PDK1: variants seen among roughly 807,000 people sequenced by gnomAD.
PDK1 encodes the protein [Pyruvate dehydrogenase (acetyl-transferring)] kinase isozyme 1, mitochondrial.
A neutral mutation model predicts 54.2 loss-of-function variants in PDK1; 39 were observed. That is an observed-to-expected ratio of 0.72 (90% CI 0.56 to 0.94). The LOEUF (loss-of-function observed/expected upper bound fraction) is 0.94. Among genes scored for constraint, PDK1 ranks in the 40% least tolerant of loss-of-function variants. The pLI, the probability that PDK1 is intolerant of heterozygous loss-of-function variation, is 0.00. For missense variants in PDK1, 552 were observed against 566.0 expected, an observed-to-expected ratio of 0.98 and a Z score of 0.25; for synonymous variants, 221 against 207.1, an observed-to-expected ratio of 1.07 and a Z score of -0.58.
chr2:172,722,080 C>T, the PDK1 span, among the ~76,000 whole-genome samples: 1 of 152,256 alleles, frequency 6.6e-6, no homozygotes, highest in Non-Finnish European at 1.5e-5. Flanking sequence ...AAAAGCCACT[C>T]ACGTGGCATT....
chr2:172,669,737 A>C, the PDK1 span, among the ~76,000 whole-genome samples: 1 of 152,314 alleles, frequency 6.6e-6, no homozygotes, highest in African/African-American at 2.4e-5. Flanking sequence ...TGTTATTTGC[A>C]TTTCTCTGAT....
the PDK1 span, among the ~76,000 whole-genome samples, chr2:172,632,135 A>G: frequency 1.3e-5 from 2 of 151,934 alleles, no homozygotes; most frequent in Admixed American, 6.6e-5. Context: ...TTAGCTGGGC[A>G]TGGCAGCCTG....
chr2:172,701,734 G>T, the PDK1 span, among the ~76,000 whole-genome samples: 8 of 145,922 alleles, frequency 5.5e-5, no homozygotes, highest in African/African-American at 2.0e-4. Flanking sequence ...TCTATCATTA[G>T]ATACATGCAC....
chr2:172,713,869 T>TA, the PDK1 span, among the ~76,000 whole-genome samples: 1 of 152,256 alleles, frequency 6.6e-6, no homozygotes, highest in Non-Finnish European at 1.5e-5. Context: ...TGGCTGCAGC[T>TA]AGTGTCTTTT....
chr2:172,678,430 T>A, the PDK1 span, among the ~76,000 whole-genome samples: 1 of 152,062 alleles, frequency 6.6e-6, no homozygotes, highest in East Asian at 1.9e-4. Context: ...GGGAGTGGGA[T>A]TGGTGGTTGG....
the PDK1 span, among the ~76,000 whole-genome samples, chr2:172,706,238 G>A: frequency 1.6e-4 from 25 of 151,768 alleles, no homozygotes; most frequent in Non-Finnish European, 2.5e-4. Context: ...ATTGATACAA[G>A]GCTACAGTGT....
chr2:172,629,752 G>A, the PDK1 span, among the ~76,000 whole-genome samples: 1 of 152,200 alleles, frequency 6.6e-6, no homozygotes, highest in East Asian at 1.9e-4. Context: ...GGCATCAGGA[G>A]TCACAGGCAA....
chr2:172,592,832 C>T lies in PDK1; in HGVS notation c.1057-103C>T, dbSNP rs980934199. On this transcript the variant is annotated intron_variant, in intron 9 of 10. Transcript: ENST00000282077. ...TTAAATATAATGCATCTCTCAGATG[C>T]GGGCTCTGATAGCCCCGTGGTACTC... 2.9e-5 allele frequency: 17 copies of T among 587,910 alleles called. No individual in the cohort carries two copies. In the East Asian group the frequency reaches 3.5e-4, roughly 12 times the overall value. The allele number at this position is 587,910 out of a possible 1,614,324, so 36.4% of individuals were successfully genotyped here. A position where few individuals can be genotyped will look rare whatever the true frequency, so the allele number is the denominator to read the frequency against.
chr2:172,720,233 G>A, the PDK1 span, among the ~76,000 whole-genome samples: 1 of 151,050 alleles, frequency 6.6e-6, no homozygotes, highest in Non-Finnish European at 1.5e-5. Flanking sequence ...TCATGCCTCA[G>A]CCTCCCCGAT....
the PDK1 span, among the ~76,000 whole-genome samples, chr2:172,657,171 T>A: frequency 2.0e-5 from 3 of 152,050 alleles, no homozygotes; most frequent in Non-Finnish European, 1.5e-5. Flanking sequence ...AGAATTGTTT[T>A]GTTTTGTTAT....
chr2:172,654,317 C>T, the PDK1 span, among the ~76,000 whole-genome samples: 2 of 152,142 alleles, frequency 1.3e-5, no homozygotes, highest in African/African-American at 4.8e-5. Context: ...GACACATGCA[C>T]ACGTATGTTT....
At chr2:172,563,375 G>C (rs1274546059) in intron 3 of PDK1, among the ~76,000 whole-genome samples, 3 of 152,140 alleles carry the variant, frequency 2.0e-5, no homozygotes, top group Non-Finnish European at 4.4e-5. Context: ...GTCTTGTTTT[G>C]AAGCGCATTA....
At chr2:172,676,744 T>G in the PDK1 span, among the ~76,000 whole-genome samples, 1 of 152,250 alleles carries the variant, frequency 6.6e-6, no homozygotes, top group African/African-American at 2.4e-5. Context: ...TTGAGAGGAT[T>G]GGCTCCAATT....
chr2:172,712,706 G>T, the PDK1 span, among the ~76,000 whole-genome samples: 1 of 152,192 alleles, frequency 6.6e-6, no homozygotes, highest in Non-Finnish European at 1.5e-5. Flanking sequence ...CGTGGCTTGG[G>T]GAACTCCTAG....
the PDK1 span, among the ~76,000 whole-genome samples, chr2:172,668,658 G>T: frequency 2.0e-5 from 3 of 151,290 alleles, no homozygotes; most frequent in Non-Finnish European, 4.4e-5. Flanking sequence ...CAGCCATGAT[G>T]ATGACTGTTT....
chr2:172,610,455 A>G (rs1332018299), downstream of PDK1, among the ~76,000 whole-genome samples: 3 of 152,052 alleles, frequency 2.0e-5, no homozygotes, highest in African/African-American at 7.2e-5. Flanking sequence ...TTTTTGAAAC[A>G]CCGCATCTTT....
the PDK1 span, among the ~76,000 whole-genome samples, chr2:172,692,247 C>T: frequency 6.6e-6 from 1 of 152,164 alleles, no homozygotes; most frequent in African/African-American, 2.4e-5. Flanking sequence ...TTCTTTATAC[C>T]ATATATAAAT....
chr2:172,556,172 C>G lies in PDK1; in HGVS notation c.22C>G (p.Arg8Gly). 1.4e-6 allele frequency: 2 copies of G among 1,416,524 alleles called. No homozygotes were observed. Among genetic ancestry groups the G allele is most frequent in the Non-Finnish European group, 1.8e-6 (2 of 1,092,374 alleles). The allele number at this position is 1,416,524 out of a possible 1,614,324, so 87.7% of individuals were successfully genotyped here. ...CGGCATGAGGCTGGCGCGGCTGCTT[C>G]GCGGAGCCGCCTTGGCCGGCCCGGG... MRLARLL[R>G]GAALAGPGPG... is the part of the protein sequence containing the mutation. The change falls in exon 1 of 11, where the codon CGC becomes GGC. Residue 8 changes from arginine (R) to glycine (G), a missense_variant. Physicochemically the swap from Arg to Gly is moderately radical, Grantham distance 125. Coordinates refer to ENST00000282077, the MANE Select transcript of PDK1 (RefSeq NM_002610.5).
chr2:172,694,969 T>G, the PDK1 span, among the ~76,000 whole-genome samples: 2 of 152,022 alleles, frequency 1.3e-5, no homozygotes, highest in Non-Finnish European at 2.9e-5. Context: ...AATATAAAAA[T>G]TAGCCGGGCA....
Sources: allele counts gnomAD v4.1 joint callset (sites outside exome capture counted in the v4.1 genomes callset), GRCh38; gene constraint gnomAD v4.1.1; transcripts MANE v1.5; gene names NCBI Gene and HGNC (gene_info 2026-07-23, HGNC 2026-07-21).